The following SPECC1 variants were observed in gnomAD, a reference collection of about 807,000 sequenced individuals.
SPECC1 encodes sperm antigen with calponin homology and coiled-coil domains 1.
In SPECC1, 62 loss-of-function variants were observed where a neutral mutation model predicts 104.1. The observed-to-expected ratio is 0.60, with a 90% CI of 0.49 to 0.74. The LOEUF (loss-of-function observed/expected upper bound fraction) is 0.74. Ranked by LOEUF, SPECC1 falls within the 30% of genes least tolerant of loss-of-function variation. The pLI is 0.00. For synonymous variants in SPECC1, 513 were observed against 501.6 expected (o/e 1.02, Z -0.30); for missense variants, 1,306 against 1,310.5 (o/e 1.00, Z 0.05).
intron 1 of SPECC1, among the ~76,000 whole-genome samples, chr17:20,079,353 G>A (rs1448955978): frequency 6.6e-6 from 1 of 152,164 alleles, no homozygotes; most frequent in Non-Finnish European, 1.5e-5. Flanking sequence ...AGGCTGGAGT[G>A]CAGTGATGAG....
intron 1 of SPECC1, among the ~76,000 whole-genome samples, chr17:20,025,497 T>G (rs1442508749): frequency 6.6e-6 from 1 of 152,218 alleles, no homozygotes; most frequent in African/African-American, 2.4e-5. Context: ...TTCTTTCACT[T>G]AGCATAAGGT....
chr17:20,096,934 A>G (rs1293177838), intron 2 of SPECC1, 136 bp downstream of exon 2: 14 of 1,135,762 alleles, frequency 1.2e-5, no homozygotes, highest in Non-Finnish European at 1.8e-5. Context: ...CAGGAGGACC[A>G]GCATGCCTGG....
Position 20,253,506 on chromosome 17 carries a change from G to A in SPECC1, c.2600G>A (p.Arg867Lys). 6.2e-7 allele frequency: 1 copy of A among 1,613,902 alleles called. No homozygotes were observed. The highest frequency in any genetic ancestry group is 8.5e-7 in the Non-Finnish European group (1 of 1,180,026). The change falls in exon 10 of 15, where the codon AGG becomes AAG. Residue 867 changes from arginine (R) to lysine (K), a missense_variant and splice_region_variant. This residue lies in a region of SPECC1 where 1,177 missense variants were observed against 1,139.9 expected (regional missense o/e 1.03). Coordinates refer to ENST00000395527, the MANE Select transcript of SPECC1 (RefSeq NM_001243439.2). ...CTGGTGTCCCCCTGGTTTTTACAGA[G>A]GCATTCGACTTACAGCAGTGTGCGG... The part of the protein sequence containing the change: ...APAAAVSPMQ[R>K]HSTYSSVRPA...
chr17:20,249,045 T>C (rs1345239882), intron 9 of SPECC1, among the ~76,000 whole-genome samples: 2 of 152,190 alleles, frequency 1.3e-5, no homozygotes, highest in Non-Finnish European at 2.9e-5. Flanking sequence ...GTAAATACTC[T>C]CTGGAGGACA....
intron 14 of SPECC1, among the ~76,000 whole-genome samples, chr17:20,309,144 T>C (rs1012247545): frequency 6.6e-6 from 1 of 152,172 alleles, no homozygotes; most frequent in East Asian, 1.9e-4. Context: ...TCCCGGCTTT[T>C]TCCACCAACA....
chr17:20,049,180 C>CA (rs1184357293), intron 1 of SPECC1, among the ~76,000 whole-genome samples: 2 of 152,050 alleles, frequency 1.3e-5, no homozygotes, highest in African/African-American at 2.4e-5. Context: ...ATGCTATCAG[C>CA]AAAAAATGAG....
chr17:20,177,129 CT>C (rs2034525874), intron 3 of SPECC1, among the ~76,000 whole-genome samples: 1 of 152,104 alleles, frequency 6.6e-6, no homozygotes, highest in Non-Finnish European at 1.5e-5. Flanking sequence ...GTTTGGAAGG[CT>C]TTTAGGCTGA....
Position 20,205,576 on chromosome 17 carries a change from T to G in SPECC1, c.1527T>G (p.Ile509Met). 6.2e-7 allele frequency: 1 copy of G among 1,614,032 alleles called. No individual in the cohort carries two copies. The highest frequency in any genetic ancestry group is 8.5e-7 in the Non-Finnish European group (1 of 1,180,000). ...AAAACCAAGGAGCTTTAGAAATGATTAAACGTCTGAAGGAAGAAAATGAAA... is the reference window on the plus strand; with the variant it reads ...AAAACCAAGGAGCTTTAGAAATGATGAAACGTCTGAAGGAAGAAAATGAAA... ...EEENQGALEM[I>M]KRLKEENEKL... Residue 509 changes from isoleucine (I) to methionine (M), a missense_variant, in exon 4 of 15, where the codon ATT becomes ATG. By Grantham distance (10) the Ile-to-Met change is conservative. Coordinates refer to ENST00000395527, the MANE Select transcript of SPECC1 (RefSeq NM_001243439.2).
intron 12 of SPECC1, among the ~76,000 whole-genome samples, chr17:20,292,355 G>A (rs1220952075): frequency 3.3e-5 from 5 of 151,646 alleles, no homozygotes; most frequent in Admixed American, 6.6e-5. Flanking sequence ...GGGGGGGGAC[G>A]GAGTTAATCT....
At chr17:20,206,555 CATT>C (rs1219678102) in intron 4 of SPECC1, among the ~76,000 whole-genome samples, 1 of 152,094 alleles carries the variant, frequency 6.6e-6, no homozygotes, top group Non-Finnish European at 1.5e-5. Flanking sequence ...TTCATTTAAA[CATT>C]ATTTTAAAGG....
At chr17:20,186,193 A>G (rs933839693) in intron 3 of SPECC1, among the ~76,000 whole-genome samples, 2 of 152,164 alleles carry the variant, frequency 1.3e-5, no homozygotes, top group Non-Finnish European at 2.9e-5. Context: ...CATCTTGGTG[A>G]TGTTGTGAAT....
intron 1 of SPECC1, among the ~76,000 whole-genome samples, chr17:20,024,822 C>T (rs1259543291): frequency 6.6e-6 from 1 of 152,122 alleles, no homozygotes; most frequent in Non-Finnish European, 1.5e-5. Flanking sequence ...TAGATGGGGT[C>T]CCACTGTTGC....
rs1039191343 is a variant in SPECC1, at chr17:20,197,883, AT to A, written c.284-6441del. On this transcript the variant is annotated intron_variant, in intron 3 of 14. Transcript: ENST00000395527. ...ACACCAGCTTAAGACTAGCCTTAGAATTTTTTTTTGCATTAATCAAAACATT... is the reference window on the plus strand; with the variant it reads ...ACACCAGCTTAAGACTAGCCTTAGAATTTTTTTTGCATTAATCAAAACATT... Among the ~76,000 whole-genome samples, 7 of 151,776 alleles carry A rather than the reference AT, an allele frequency of 4.6e-5. No individual in the cohort carries two copies. The South Asian group carries it at 6.2e-4, about 14-fold the overall frequency.
chr17:20,020,055 G>A (rs891675962), intron 1 of SPECC1, among the ~76,000 whole-genome samples: 6 of 152,156 alleles, frequency 3.9e-5, no homozygotes, highest in Non-Finnish European at 8.8e-5. Context: ...CCACTAGAAG[G>A]AAGTAAGAAG....
At chr17:20,092,689 G>T (rs191845191) in intron 1 of SPECC1, among the ~76,000 whole-genome samples, 1 of 152,192 alleles carries the variant, frequency 6.6e-6, no homozygotes, top group Non-Finnish European at 1.5e-5. Context: ...AGTTTTTGTC[G>T]AGAGGGCGGC....
chr17:20,245,872 C>A lies in SPECC1; in HGVS notation c.2352-54C>A. The A allele has an allele frequency of 2.5e-6, 4 of 1,591,574 alleles. No individual in the cohort carries two copies. In the East Asian group the frequency reaches 9.0e-5, roughly 36 times the overall value. On this transcript the variant is annotated intron_variant, in intron 7 of 14. Transcript: ENST00000395527. The stretch of plus-strand genomic sequence containing the variant: ...GTTCTGTTTTCCTCTGTGTCTTTTT[C>A]TCCCATGGGGATGTCCTCCATCTTT...
intron 1 of SPECC1, among the ~76,000 whole-genome samples, chr17:20,015,584 A>T (rs114513846): frequency 0.093 from 9,487 of 101,890 alleles, 977 homozygotes; most frequent in African/African-American, 0.27. Flanking sequence ...CCGGGTCTCT[A>T]TTTTTTTTTT....
intron 4 of SPECC1, among the ~76,000 whole-genome samples, chr17:20,206,862 T>C (rs2036818350): frequency 6.6e-6 from 1 of 152,236 alleles, no homozygotes; most frequent in African/African-American, 2.4e-5. Flanking sequence ...CAGCACTTGG[T>C]ATTACATTGT....
intron 1 of SPECC1, among the ~76,000 whole-genome samples, chr17:20,093,512 C>G (rs1285684137): frequency 2.0e-5 from 3 of 152,108 alleles, no homozygotes; most frequent in Non-Finnish European, 2.9e-5. Context: ...CAGCTCATGA[C>G]AGCATTTATG....
Sources: gnomAD v4.1 joint callset for allele counts (sites outside exome capture counted in the v4.1 genomes callset) on GRCh38, gnomAD v4.1.1 for gene constraint, gnomAD v4.1.1 regional missense constraint, MANE v1.5 for transcripts, NCBI Gene and HGNC (gene_info 2026-07-23, HGNC 2026-07-21) for gene names.